Variants in SFRP5 observed in about 807,000 individuals in gnomAD.
SFRP5 encodes secreted frizzled-related protein 5.
A neutral mutation model predicts 27.0 loss-of-function variants in SFRP5; 22 were observed. That is an observed-to-expected ratio of 0.82 (90% CI 0.58 to 1.17). SFRP5 has a LOEUF of 1.17. SFRP5 is among the 50% of genes most tolerant of loss of function. The pLI, the probability that SFRP5 is intolerant of heterozygous loss-of-function variation, is 0.00. For missense variants in SFRP5, 406 were observed against 436.6 expected (o/e 0.93, Z 0.63); for synonymous variants, 171 against 195.0 (o/e 0.88, Z 1.03).
chr10:97,771,267 G>T lies in SFRP5; in HGVS notation c.529+38C>A. 1 of 1,416,704 alleles carries T rather than the reference G, an allele frequency of 7.1e-7. No homozygotes were observed. The highest frequency in any genetic ancestry group is 9.5e-7 in the Non-Finnish European group (1 of 1,050,360). The allele number at this position is 1,416,704 out of a possible 1,614,324, so 87.8% of individuals were successfully genotyped here. ...AGAGCTGTGCTAGGGGAGCTGCAGG[G>T]CCGTCGGAGCGCGCGGGGACGGCGG... On this transcript the variant is annotated intron_variant, in intron 1 of 2. Coordinates refer to ENST00000266066, the MANE Select transcript of SFRP5 (RefSeq NM_003015.3). This position sits in a 1 kb window ranked among gnomAD's most constrained non-coding sequence, Gnocchi z 5.2.
intron 2 of SFRP5, among the ~76,000 whole-genome samples, chr10:97,768,600 G>A (rs1287985068): frequency 6.6e-6 from 1 of 152,156 alleles, no homozygotes; most frequent in African/African-American, 2.4e-5. Context: ...GAGATTGTAC[G>A]GTGGGTGGGA....
Position 97,766,935 on chromosome 10 carries a change from T to C in SFRP5, c.*579A>G, listed in dbSNP as rs1346817117. ...CGCGGGCGGACCAGAAGGGGGTCTATGCCGAGGCTGGGCTGGGCTTGCTCT... is the reference window on the plus strand; with the variant it reads ...CGCGGGCGGACCAGAAGGGGGTCTACGCCGAGGCTGGGCTGGGCTTGCTCT... On this transcript the variant is annotated 3_prime_UTR_variant, in exon 3 of 3. Coordinates refer to ENST00000266066, the MANE Select transcript of SFRP5 (RefSeq NM_003015.3). 1 of 152,342 alleles carries C rather than the reference T, an allele frequency of 6.6e-6. No homozygotes were observed. The highest frequency in any genetic ancestry group is 1.5e-5 in the Non-Finnish European group (1 of 68,326). The allele number at this position is 152,342 out of a possible 1,614,324, so 9.4% of individuals were successfully genotyped here.
chr10:97,767,849 G>C lies in SFRP5; in HGVS notation c.619C>G (p.Arg207Gly), dbSNP rs748205313. Reference protein sequence around the residue: ...MCSSDFVVKMRIKEIKIENGD... With the variant: ...MCSSDFVVKMGIKEIKIENGD... ...TTCTCTATCTTGATCTCCTTGATGCGCATTTTGACCACTGTGGGAAGAAAG... is the reference window on the plus strand; with the variant it reads ...TTCTCTATCTTGATCTCCTTGATGCCCATTTTGACCACTGTGGGAAGAAAG... The change falls in exon 3 of 3, where the codon CGC becomes GGC. Residue 207 changes from arginine (R) to glycine (G), a missense_variant. Transcript: ENST00000266066. 55 of 1,524,422 alleles carry C rather than the reference G, an allele frequency of 3.6e-5. No homozygotes were observed. The highest frequency in any genetic ancestry group is 4.7e-5 in the Non-Finnish European group (54 of 1,139,098). The allele number at this position is 1,524,422 out of a possible 1,614,324, so 94.4% of individuals were successfully genotyped here.
chr10:97,768,908 G>A (rs2049500172), intron 2 of SFRP5, among the ~76,000 whole-genome samples: 1 of 152,106 alleles, frequency 6.6e-6, no homozygotes, highest in East Asian at 1.9e-4. Flanking sequence ...ATAAAATCTT[G>A]TTCCTTCTCT....
In SFRP5 at chr10:97,767,803, C is replaced by T. The variant is rs751507484; in HGVS notation, c.665G>A (p.Gly222Glu). The change falls in exon 3 of 3, where the codon GGA (glycine) becomes GAA (glutamate). Residue 222 changes from glycine to glutamate, a missense_variant. Coordinates refer to ENST00000266066, the MANE Select transcript of SFRP5 (RefSeq NM_003015.3). ...KIENGDRKLI[G>E]AQKKKKLLKP... The stretch of plus-strand genomic sequence containing the variant: ...GAGCAGCTTCTTCTTTTTCTGGGCT[C>T]CAATCAGCTTCCGGTCCCCATTCTC... The T allele has an allele frequency of 3.0e-5, 46 of 1,546,434 alleles. No individual in the cohort carries two copies. The highest frequency in any genetic ancestry group is 4.2e-5 in the African/African-American group (3 of 72,222).
chr10:97,769,681 G>T lies in SFRP5; in HGVS notation c.594C>A (p.Cys198Ter). 1 of 1,612,008 alleles carries T rather than the reference G, an allele frequency of 6.2e-7. No individual in the cohort carries two copies. Among genetic ancestry groups the T allele is most frequent in the Non-Finnish European group, 8.5e-7 (1 of 1,178,808 alleles). Residue 198 changes from cysteine (C) to a stop codon, truncating the protein, a stop_gained, in exon 2 of 3, where the codon TGC becomes TGA. Coordinates refer to ENST00000266066, the MANE Select transcript of SFRP5 (RefSeq NM_003015.3). LOFTEE classifies it high-confidence loss of function. The part of the protein sequence containing the change: ...HSADGLMEQM[C>*]SSDFVVKMRI... The stretch of plus-strand genomic sequence containing the variant: ...CCCCACACTCACCAAAGTCACTGGA[G>T]CACATCTGCTCCATGAGGCCGTCAG...
At position 97,767,119 on chromosome 10, in the gene SFRP5, C is replaced by A. The variant is rs1247384026; in HGVS notation, c.*395G>T. The A allele has an allele frequency of 5.9e-6, 1 of 170,414 alleles. No homozygotes were observed. The highest frequency in any genetic ancestry group is 2.4e-5 in the African/African-American group (1 of 41,906). 10.6% of individuals were successfully genotyped at this position (170,414 alleles called of 1,614,324 possible). A position where few individuals can be genotyped will look rare whatever the true frequency, so the allele number is the denominator to read the frequency against. ...GGGAGAACTTTCCCAAATAGCTTAG[C>A]CTAATATTGAGACTTCCCTCTTCAA... On this transcript the variant is annotated 3_prime_UTR_variant, in exon 3 of 3. Transcript: ENST00000266066.
chr10:97,768,543 C>G (rs2136472079), intron 2 of SFRP5, among the ~76,000 whole-genome samples: 1 of 152,266 alleles, frequency 6.6e-6, no homozygotes, highest in Non-Finnish European at 1.5e-5. Context: ...TCAGCTGTTG[C>G]TGGTGTGAAC....
At chr10:97,769,189 G>A (rs1479702722) in intron 2 of SFRP5, among the ~76,000 whole-genome samples, 1 of 152,204 alleles carries the variant, frequency 6.6e-6, no homozygotes, top group African/African-American at 2.4e-5. Flanking sequence ...AAATGGGAAG[G>A]CTCTGGGATG....
At position 97,771,505 on chromosome 10, in the gene SFRP5, G is replaced by A; in HGVS notation, c.329C>T (p.Ser110Leu). Residue 110 changes from serine (S) to leucine (L), a missense_variant, in exon 1 of 3, where the codon TCG (serine) becomes TTG (leucine). By Grantham distance (145) the Ser-to-Leu change is moderately radical. Transcript: ENST00000266066. This position sits in a 1 kb window ranked among gnomAD's most constrained non-coding sequence, Gnocchi z 5.2. Reference sequence around the variant, plus strand: ...GTCGAGACAGACGGGCGCAAAGAGCGAGCACAGGAAGACCTGCGTATCCGA... The same window carrying A: ...GTCGAGACAGACGGGCGCAAAGAGCAAGCACAGGAAGACCTGCGTATCCGA... ...CHSDTQVFLC[S>L]LFAPVCLDRP... 1.2e-6 allele frequency: 2 copies of A among 1,610,052 alleles called. No individual in the cohort carries two copies. The highest frequency in any genetic ancestry group is 1.1e-5 in the South Asian group (1 of 90,944).
At chr10:97,770,314 C>T (rs1425610075) in intron 1 of SFRP5, among the ~76,000 whole-genome samples, 1 of 152,198 alleles carries the variant, frequency 6.6e-6, no homozygotes, top group Admixed American at 6.5e-5. Context: ...AAGTGATTCA[C>T]CCACCTTGGC....
Position 97,771,792 on chromosome 10 carries a change from C to T in SFRP5, c.42G>A (p.Ala14=), listed in dbSNP as rs774610253. Residue 14 remains alanine (A), a synonymous_variant, in exon 1 of 3, where the codon GCG becomes GCA. Transcript: ENST00000266066. This position sits in a 1 kb window ranked among gnomAD's most constrained non-coding sequence, Gnocchi z 5.2. Reference sequence around the variant, plus strand: ...GCAGCGCCCCCAGCAGCAGCGCCAGCGCGGCCGTCCGCACGCCCCCCCCCG... The same window carrying T: ...GCAGCGCCCCCAGCAGCAGCGCCAGTGCGGCCGTCCGCACGCCCCCCCCCG... ...AAAGGGVRTA[A]LALLLGALHW... is the part of the protein sequence containing the mutation. The T allele has an allele frequency of 4.5e-6, 6 of 1,321,756 alleles. No individual in the cohort carries two copies. The South Asian group carries it at 1.3e-4, about 28-fold the overall frequency. 81.9% of individuals were successfully genotyped at this position (1,321,756 alleles called of 1,614,324 possible). A position where few individuals can be genotyped will look rare whatever the true frequency, so the allele number is the denominator to read the frequency against.
chr10:97,770,882 A>C (rs1255024154), intron 1 of SFRP5, among the ~76,000 whole-genome samples: 1 of 152,130 alleles, frequency 6.6e-6, no homozygotes, highest in Non-Finnish European at 1.5e-5. Context: ...AGTGGGGATG[A>C]TGCTTGCTTT....
At position 97,771,814 on chromosome 10, in the gene SFRP5, C is replaced by G. The variant is rs11815012; in HGVS notation, c.20G>C (p.Gly7Ala). The G allele has an allele frequency of 0.81, 959,932 of 1,187,200 alleles. 388,155 individuals carry two copies. The highest frequency in any genetic ancestry group is 0.95 in the African/African-American group (58,926 of 61,916). 73.5% of individuals were successfully genotyped at this position (1,187,200 alleles called of 1,614,324 possible). The change falls in exon 1 of 3, where the codon GGG (glycine) becomes GCG (alanine). Residue 7 changes from glycine to alanine, a missense_variant. Gly to Ala is a moderately conservative substitution (Grantham distance 60). Transcript: ENST00000266066. The surrounding 1 kb of genome is among the most constrained non-coding windows in gnomAD (Gnocchi z 5.2). MRAAAAGGGVRTAALAL... is the reference protein window; with the variant it reads MRAAAAAGGVRTAALAL... ...CAGCGCGGCCGTCCGCACGCCCCCCCCCGCCGCCGCCGCCCGCATGGCTGC... is the reference window on the plus strand; with the variant it reads ...CAGCGCGGCCGTCCGCACGCCCCCCGCCGCCGCCGCCGCCCGCATGGCTGC...
In SFRP5 at chr10:97,767,434, T is replaced by C; in HGVS notation, c.*80A>G. The C allele has an allele frequency of 8.9e-7, 1 of 1,124,664 alleles. No individual in the cohort carries two copies. The highest frequency in any genetic ancestry group is 1.3e-6 in the Non-Finnish European group (1 of 785,870). The allele number at this position is 1,124,664 out of a possible 1,614,324, so 69.7% of individuals were successfully genotyped here. A position where few individuals can be genotyped will look rare whatever the true frequency, so the allele number is the denominator to read the frequency against. On this transcript the variant is annotated 3_prime_UTR_variant, in exon 3 of 3. Coordinates refer to ENST00000266066, the MANE Select transcript of SFRP5 (RefSeq NM_003015.3). ...CAACATTCGTGAAAACACCCTCCAG[T>C]AGGGCCGGGTCAGCCTGGAAGTTGG...
chr10:97,771,870 C>G lies in SFRP5; in HGVS notation c.-37G>C. The stretch of plus-strand genomic sequence containing the variant: ...CTCCAGGTGCGCGCCGCGCAGCCCC[C>G]CGACGCTCGGTGCCCGGCGGCCCAG... On this transcript the variant is annotated 5_prime_UTR_variant, in exon 1 of 3. Transcript: ENST00000266066. This position sits in a 1 kb window ranked among gnomAD's most constrained non-coding sequence, Gnocchi z 5.2. The G allele has an allele frequency of 9.8e-7, 1 of 1,021,242 alleles. No individual in the cohort carries two copies. The highest frequency in any genetic ancestry group is 1.2e-6 in the Non-Finnish European group (1 of 854,410). The allele number at this position is 1,021,242 out of a possible 1,614,324, so 63.3% of individuals were successfully genotyped here. A position where few individuals can be genotyped will look rare whatever the true frequency, so the allele number is the denominator to read the frequency against.
Position 97,771,948 on chromosome 10 carries a change from G to C in SFRP5, c.-115C>G. 1.3e-6 allele frequency: 1 copy of C among 775,660 alleles called. No homozygotes were observed. Among genetic ancestry groups the C allele is most frequent in the Non-Finnish European group, 1.6e-6 (1 of 636,222 alleles). The allele number at this position is 775,660 out of a possible 1,614,324, so 48.0% of individuals were successfully genotyped here. A position where few individuals can be genotyped will look rare whatever the true frequency, so the allele number is the denominator to read the frequency against. On this transcript the variant is annotated 5_prime_UTR_variant, in exon 1 of 3. Transcript: ENST00000266066. This position sits in a 1 kb window ranked among gnomAD's most constrained non-coding sequence, Gnocchi z 5.2. Reference sequence around the variant, plus strand: ...ACTCTACCCAGCCGCCGCCGCCGCCGCCGCGGAGGTCGCCCAGGTGGGTGG... The same window carrying C: ...ACTCTACCCAGCCGCCGCCGCCGCCCCCGCGGAGGTCGCCCAGGTGGGTGG...
chr10:97,770,468 TG>T (rs2049508292), intron 1 of SFRP5, among the ~76,000 whole-genome samples: 1 of 147,550 alleles, frequency 6.8e-6, no homozygotes, highest in Non-Finnish European at 1.5e-5. Context: ...GGAGCCAGCC[TG>T]GAAGAGCTAT....
At position 97,771,526 on chromosome 10, in the gene SFRP5, TC is replaced by T. The variant is rs773586056; in HGVS notation, c.307del (p.Asp103IlefsTer75). 6.2e-7 allele frequency: 1 copy of T among 1,610,314 alleles called. No individual in the cohort carries two copies. Among genetic ancestry groups the T allele is most frequent in the Non-Finnish European group, 8.5e-7 (1 of 1,177,292 alleles). On this transcript the variant is annotated frameshift_variant, in exon 1 of 3. Transcript: ENST00000266066. LOFTEE classifies it high-confidence loss of function. This position sits in a 1 kb window ranked among gnomAD's most constrained non-coding sequence, Gnocchi z 5.2. ...LPLLAKRCHS[D>X]TQVFLCSLFA... Reference sequence around the variant, plus strand: ...GAGCGAGCACAGGAAGACCTGCGTATCCGAGTGGCAGCGCTTGGCCAGCAGC... The same window carrying T: ...GAGCGAGCACAGGAAGACCTGCGTATCGAGTGGCAGCGCTTGGCCAGCAGC...
Sources: allele counts gnomAD v4.1 joint callset (sites outside exome capture counted in the v4.1 genomes callset), GRCh38; gene constraint gnomAD v4.1.1; non-coding constraint Gnocchi (gnomAD v3.1); transcripts MANE v1.5; gene names NCBI Gene and HGNC (gene_info 2026-07-23, HGNC 2026-07-21).